The following ELP4 variants were observed in gnomAD, a reference collection of about 807,000 sequenced individuals.
ELP4 encodes the protein elongator acetyltransferase complex subunit 4.
In ELP4, 51 loss-of-function variants were observed where a neutral mutation model predicts 48.9. The observed-to-expected ratio is 1.04, with a 90% confidence interval of 0.83 to 1.32. The LOEUF (loss-of-function observed/expected upper bound fraction) is 1.32, where lower values mean the gene tolerates loss of function less well. Among genes scored for constraint, ELP4 ranks in the 40% most tolerant of loss-of-function variants. The pLI is 0.00. For synonymous variants in ELP4, 210 were observed against 189.2 expected (o/e 1.11, Z -0.90); for missense variants, 519 against 514.6 (o/e 1.01, Z -0.08).
At chr11:31,776,932 G>A (rs1262621346) in intron 9 of ELP4, among the ~76,000 whole-genome samples, 4 of 152,138 alleles carry the variant, frequency 2.6e-5, no homozygotes, top group Middle Eastern at 3.2e-3. Flanking sequence ...ATATTCAGCT[G>A]CTACCAAATG....
At chr11:31,601,347 G>T (rs748345090) in intron 4 of ELP4, among the ~76,000 whole-genome samples, 1 of 151,924 alleles carries the variant, frequency 6.6e-6, no homozygotes, top group African/African-American at 2.4e-5. Flanking sequence ...TAATTGAAAA[G>T]ATTAAAGTTT....
chr11:31,549,363 G>T (rs1190353783), intron 3 of ELP4, among the ~76,000 whole-genome samples: 7 of 152,176 alleles, frequency 4.6e-5, no homozygotes, highest in Non-Finnish European at 7.3e-5. Context: ...AGACATTTAT[G>T]CACCCAAAAA....
intron 3 of ELP4, among the ~76,000 whole-genome samples, chr11:31,578,927 A>G (rs1565063936): frequency 2.6e-5 from 4 of 152,258 alleles, no homozygotes; most frequent in African/African-American, 4.8e-5. Flanking sequence ...ACAAAAGCCA[A>G]AATTGACAAA....
chr11:31,608,598 G>A (rs1376009188), intron 5 of ELP4, among the ~76,000 whole-genome samples: 1 of 151,680 alleles, frequency 6.6e-6, no homozygotes, highest in Non-Finnish European at 1.5e-5. Context: ...GCTGGGTGGG[G>A]GGGTCAGGGG....
intron 3 of ELP4, among the ~76,000 whole-genome samples, chr11:31,579,176 A>G (rs903039748): frequency 2.0e-5 from 3 of 152,238 alleles, no homozygotes; most frequent in Admixed American, 2.0e-4. Flanking sequence ...CAACAGACAC[A>G]TGAAAAAATG....
intron 9 of ELP4, among the ~76,000 whole-genome samples, chr11:31,706,025 T>A (rs182832445): frequency 6.2e-4 from 94 of 152,178 alleles, no homozygotes; most frequent in Non-Finnish European, 8.1e-4. Context: ...GCTGATTTTT[T>A]ATTTTTTATA....
At chr11:31,564,496 A>G (rs1000332721) in intron 3 of ELP4, among the ~76,000 whole-genome samples, 1 of 151,932 alleles carries the variant, frequency 6.6e-6, no homozygotes, top group African/African-American at 2.4e-5. Context: ...CATCATTTAC[A>G]TTAGGTATAT....
chr11:31,778,201 C>G (rs1312856851), intron 9 of ELP4, among the ~76,000 whole-genome samples: 2 of 152,206 alleles, frequency 1.3e-5, no homozygotes, highest in Non-Finnish European at 2.9e-5. Context: ...TACAGCCATG[C>G]ATGTATACAC....
chr11:31,673,314 G>A (rs1242838038), intron 9 of ELP4, among the ~76,000 whole-genome samples: 2 of 150,512 alleles, frequency 1.3e-5, no homozygotes, highest in South Asian at 2.1e-4. Context: ...TTAGTGGGTT[G>A]TTTTTTGTTT....
chr11:31,619,212 G>C (rs1324196383), intron 5 of ELP4, among the ~76,000 whole-genome samples: 1 of 151,822 alleles, frequency 6.6e-6, no homozygotes, highest in Non-Finnish European at 1.5e-5. Flanking sequence ...ATGAAGGAGA[G>C]AGGAGAGAAT....
chr11:31,743,484 CACA>C (rs1947506435), intron 9 of ELP4, among the ~76,000 whole-genome samples: 1 of 152,046 alleles, frequency 6.6e-6, no homozygotes, highest in Non-Finnish European at 1.5e-5. Context: ...CAAAATTGAC[CACA>C]TAGTTGGAAG....
intron 2 of ELP4, among the ~76,000 whole-genome samples, chr11:31,531,677 C>T (rs1476112825): frequency 6.6e-6 from 1 of 152,160 alleles, no homozygotes; most frequent in East Asian, 1.9e-4. Flanking sequence ...GGCAATACAA[C>T]ATTTAAAGAG....
At chr11:31,587,620 C>T (rs1277901640) in intron 3 of ELP4, among the ~76,000 whole-genome samples, 1 of 151,662 alleles carries the variant, frequency 6.6e-6, no homozygotes, top group Non-Finnish European at 1.5e-5. Context: ...TTCCATTTTA[C>T]TTTATTTTTG....
intron 9 of ELP4, among the ~76,000 whole-genome samples, chr11:31,698,197 A>G (rs1239143083): frequency 6.6e-6 from 1 of 152,182 alleles, no homozygotes; most frequent in African/African-American, 2.4e-5. Flanking sequence ...CTTTAAACAC[A>G]TATTTGTATT....
intron 7 of ELP4, chr11:31,632,802 T>C (rs1388834822): frequency 1.3e-5 from 2 of 153,996 alleles, no homozygotes; most frequent in African/African-American, 2.4e-5. Context: ...CTTCCAAACA[T>C]TTTATAGTTT....
chr11:31,549,685 C>T (rs1046395470), intron 3 of ELP4, among the ~76,000 whole-genome samples: 1 of 152,124 alleles, frequency 6.6e-6, no homozygotes, highest in Non-Finnish European at 1.5e-5. Flanking sequence ...GACACATGTA[C>T]ACGTATGTTT....
chr11:31,576,394 T>C (rs889198112), intron 3 of ELP4, among the ~76,000 whole-genome samples: 3 of 152,150 alleles, frequency 2.0e-5, no homozygotes, highest in Non-Finnish European at 2.9e-5. Context: ...AGACAGAAAG[T>C]TAACAAGGAT....
intron 9 of ELP4, among the ~76,000 whole-genome samples, chr11:31,694,802 T>C (rs1314100364): frequency 1.3e-5 from 2 of 152,194 alleles, no homozygotes; most frequent in African/African-American, 4.8e-5. Flanking sequence ...GCATGGAATA[T>C]TCTTCCATTT....
At chr11:31,540,712 A>G (rs944695424) in intron 3 of ELP4, among the ~76,000 whole-genome samples, 1 of 152,240 alleles carries the variant, frequency 6.6e-6, no homozygotes, top group African/African-American at 2.4e-5. Flanking sequence ...GATAGGTAAT[A>G]TTCTACACAG....
Sources: allele counts gnomAD v4.1 joint callset (sites outside exome capture counted in the v4.1 genomes callset), GRCh38; gene constraint gnomAD v4.1.1; transcripts MANE v1.5; gene names NCBI Gene and HGNC (gene_info 2026-07-23, HGNC 2026-07-21).